Variants in SGCG observed in about 807,000 individuals in gnomAD.
The protein encoded by SGCG is sarcoglycan gamma, also known as gamma-sarcoglycan.
Under a neutral mutation model 29.3 loss-of-function variants are expected in SGCG, and 26 were observed. That is an observed-to-expected ratio of 0.89 (90% CI 0.65 to 1.23). The LOEUF (loss-of-function observed/expected upper bound fraction) is 1.23. SGCG is among the 50% of genes most tolerant of loss of function. SGCG has a pLI of 0.00. For missense variants in SGCG, 353 were observed against 356.0 expected (o/e 0.99, Z 0.07); for synonymous variants, 145 against 129.7 (o/e 1.12, Z -0.80).
intron 6 of SGCG, among the ~76,000 whole-genome samples, chr13:23,314,385 TATA>T (rs1566044471): frequency 2.0e-4 from 17 of 86,178 alleles, no homozygotes; most frequent in South Asian, 1.6e-3. Flanking sequence ...CTATAGGTTA[TATA>T]TATATATATA....
intron 2 of SGCG, chr13:23,217,447 T>C (rs1878474257): frequency 6.6e-6 from 1 of 152,150 alleles, no homozygotes; most frequent in African/African-American, 2.4e-5. Flanking sequence ...ACACGAATTC[T>C]TCATGAAGTT....
chr13:23,235,081 C>T (rs539562111), intron 3 of SGCG, among the ~76,000 whole-genome samples: 4 of 152,266 alleles, frequency 2.6e-5, no homozygotes, highest in South Asian at 2.1e-4. Flanking sequence ...GAAAGAAATT[C>T]GTTTCAGCTG....
chr13:23,227,168 C>T lies in SGCG; in HGVS notation c.196-7443C>T, dbSNP rs74544521. On this transcript the variant is annotated intron_variant, in intron 2 of 7. Coordinates refer to ENST00000218867, the MANE Select transcript of SGCG (RefSeq NM_000231.3). ...AGGTAATGCACAATGTGTTGGCTGC[C>T]TGTCCACATCTGTCCTGCATTGATG... Among the ~76,000 whole-genome samples the T allele has an allele frequency of 5.0e-3, 765 of 152,232 alleles. 5 individuals carry two copies. Among genetic ancestry groups the T allele is most frequent in the African/African-American group, 0.017 (715 of 41,536 alleles).
At chr13:23,244,514 A>C (rs549983173) in intron 3 of SGCG, 12 of 152,338 alleles carry the variant, frequency 7.9e-5, no homozygotes, top group Admixed American at 6.5e-4. Context: ...TAGAATTTTA[A>C]TTCCTTGAAA....
At chr13:23,290,022 C>G (rs562910419) in intron 5 of SGCG, among the ~76,000 whole-genome samples, 1 of 152,230 alleles carries the variant, frequency 6.6e-6, no homozygotes, top group East Asian at 1.9e-4. Context: ...GTGAATTACT[C>G]CAGTTTAAGA....
At chr13:23,174,797 A>G in the SGCG span, among the ~76,000 whole-genome samples, 3 of 152,242 alleles carry the variant, frequency 2.0e-5, no homozygotes, top group Non-Finnish European at 4.4e-5. Flanking sequence ...AGTTATAAAA[A>G]TGTGAACACC....
chr13:23,228,184 C>T (rs1355032584), intron 2 of SGCG, among the ~76,000 whole-genome samples: 2 of 152,078 alleles, frequency 1.3e-5, no homozygotes, highest in Admixed American at 1.3e-4. Flanking sequence ...GAAATATTTA[C>T]TTTCAGGGAC....
At chr13:23,226,677 C>T (rs979052365) in intron 2 of SGCG, among the ~76,000 whole-genome samples, 3 of 152,148 alleles carry the variant, frequency 2.0e-5, no homozygotes, top group South Asian at 2.1e-4. Context: ...ATTTCAGATT[C>T]CACTTACACG....
chr13:23,243,147 G>T (rs550862975), intron 3 of SGCG, among the ~76,000 whole-genome samples: 1 of 152,084 alleles, frequency 6.6e-6, no homozygotes, highest in African/African-American at 2.4e-5. Context: ...GAGCTTTACC[G>T]TGTGAACACA....
At chr13:23,238,440 A>G (rs960180414) in intron 3 of SGCG, among the ~76,000 whole-genome samples, 7 of 152,204 alleles carry the variant, frequency 4.6e-5, no homozygotes. Flanking sequence ...AGCAGAAGGA[A>G]CAATGCCTGG....
rs1391879921 is a variant in SGCG, at chr13:23,231,944, C to T, written c.196-2667C>T. 2.0e-5 allele frequency among the ~76,000 whole-genome samples: 3 copies of T among 152,014 alleles called. 1 individual carries two copies. Among genetic ancestry groups the T allele is most frequent in the Admixed American group, 2.0e-4 (3 of 15,252 alleles). ...GACCAGCCTGGCCAACATGACGAAA[C>T]CCCATCTCTACTCAAAATACAAAAA... is the stretch of plus-strand genomic sequence containing the variant. On this transcript the variant is annotated intron_variant, in intron 2 of 7. Coordinates refer to ENST00000218867, the MANE Select transcript of SGCG (RefSeq NM_000231.3).
intron 7 of SGCG, among the ~76,000 whole-genome samples, chr13:23,322,137 G>A (rs1318086425): frequency 6.6e-6 from 1 of 152,170 alleles, no homozygotes; most frequent in East Asian, 1.9e-4. Flanking sequence ...TGCAAGAATT[G>A]TCTTGTACAT....
At chr13:23,172,277 T>A in the SGCG span, among the ~76,000 whole-genome samples, 1 of 152,166 alleles carries the variant, frequency 6.6e-6, no homozygotes, top group South Asian at 2.1e-4. Flanking sequence ...TTTTAAGGTT[T>A]AGGTTGGCAA....
intron 7 of SGCG, among the ~76,000 whole-genome samples, chr13:23,323,703 G>C (rs1278876451): frequency 1.3e-5 from 2 of 152,138 alleles, no homozygotes; most frequent in Non-Finnish European, 2.9e-5. Context: ...CTTAGTCTGC[G>C]TGTCTACTGC....
intron 2 of SGCG, among the ~76,000 whole-genome samples, chr13:23,220,972 G>A (rs1248578507): frequency 6.6e-6 from 1 of 152,110 alleles, no homozygotes; most frequent in African/African-American, 2.4e-5. Context: ...AACATTGAGA[G>A]GAAATTTTAT....
chr13:23,317,546 C>G (rs956505892), intron 6 of SGCG, among the ~76,000 whole-genome samples: 2 of 151,910 alleles, frequency 1.3e-5, no homozygotes, highest in East Asian at 3.9e-4. Context: ...CTTTTTTTTG[C>G]TGAAAACATA....
At chr13:23,166,344 C>T in the SGCG span, among the ~76,000 whole-genome samples, 6 of 152,030 alleles carry the variant, frequency 3.9e-5, no homozygotes, top group African/African-American at 7.3e-5. Flanking sequence ...TACAGGCACA[C>T]GCCACCAAGC....
chr13:23,290,138 G>A (rs765602675), intron 5 of SGCG, among the ~76,000 whole-genome samples: 3 of 152,180 alleles, frequency 2.0e-5, no homozygotes, highest in Non-Finnish European at 2.9e-5. Flanking sequence ...TCTGGGTAAC[G>A]GAGAGGCCTG....
chr13:23,288,864 T>G (rs1190390122), intron 5 of SGCG, among the ~76,000 whole-genome samples: 2 of 152,196 alleles, frequency 1.3e-5, no homozygotes, highest in African/African-American at 2.4e-5. Flanking sequence ...AATATTATCT[T>G]TAAAAACAGA....
Sources: gnomAD v4.1 joint callset for allele counts (sites outside exome capture counted in the v4.1 genomes callset) on GRCh38, gnomAD v4.1.1 for gene constraint, MANE v1.5 for transcripts, NCBI Gene and HGNC (gene_info 2026-07-23, HGNC 2026-07-21) for gene names.